TLL1: variants seen among roughly 807,000 people sequenced by gnomAD.
The protein encoded by TLL1 is tolloid like 1, also known as tolloid-like protein 1.
In TLL1, 49 loss-of-function variants were observed where a neutral mutation model predicts 128.2. The observed-to-expected ratio is 0.38, with a 90% CI of 0.30 to 0.48. The LOEUF is 0.48. Ranked by LOEUF, TLL1 falls within the 20% of genes least tolerant of loss-of-function variation. TLL1 has a pLI of 0.96. For synonymous variants in TLL1, 454 were observed against 418.8 expected (o/e 1.08, Z -1.03); for missense variants, 1,123 against 1,242.0 (o/e 0.90, Z 1.44).
intron 9 of TLL1, among the ~76,000 whole-genome samples, chr4:166,035,112 A>C (rs571891192): frequency 1.3e-5 from 2 of 152,218 alleles, no homozygotes; most frequent in East Asian, 3.8e-4. Context: ...AGGGACATAC[A>C]CACTCAAACC....
intron 1 of TLL1, among the ~76,000 whole-genome samples, chr4:165,881,917 T>C (rs1194672602): frequency 6.6e-6 from 1 of 152,232 alleles, no homozygotes; most frequent in Non-Finnish European, 1.5e-5. Context: ...ACATGTTGTT[T>C]CACACTTTAA....
chr4:165,877,016 T>C (rs1730750640), intron 1 of TLL1, among the ~76,000 whole-genome samples: 1 of 152,268 alleles, frequency 6.6e-6, no homozygotes, highest in Non-Finnish European at 1.5e-5. Context: ...TCTCGATATC[T>C]ATAGACTGTT....
At position 166,101,906 on chromosome 4, in the gene TLL1, T is replaced by G. The variant is rs1403691103; in HGVS notation, c.*1030T>G. ...AAGGTCTCTTTCATTTTTCTCTTCC[T>G]GGGATTCATTTTTTCAAAACACAAT... is the stretch of plus-strand genomic sequence containing the variant. On this transcript the variant is annotated 3_prime_UTR_variant, in exon 21 of 21. Transcript: ENST00000061240. The G allele has an allele frequency of 6.6e-6, 1 of 152,460 alleles. No homozygotes were observed. Among genetic ancestry groups the G allele is most frequent in the South Asian group, 2.1e-4 (1 of 4,832 alleles). 9.4% of individuals were successfully genotyped at this position (152,460 alleles called of 1,614,324 possible).
chr4:165,949,340 A>T (rs1734401006), intron 1 of TLL1, among the ~76,000 whole-genome samples: 6 of 152,134 alleles, frequency 3.9e-5, no homozygotes, highest in Admixed American at 3.9e-4. Context: ...ACCTTCACAA[A>T]AAAATGTAGC....
intron 1 of TLL1, 122 bp downstream of exon 1, chr4:165,874,195 CCTT>C: frequency 2.5e-6 from 3 of 1,194,630 alleles, no homozygotes; most frequent in Non-Finnish European, 3.7e-6. Context: ...CGCCGCCCCT[CCTT>C]CTCTCCCCCT....
At chr4:165,972,888 C>T (rs1425656811) in intron 1 of TLL1, among the ~76,000 whole-genome samples, 1 of 152,094 alleles carries the variant, frequency 6.6e-6, no homozygotes, top group African/African-American at 2.4e-5. Context: ...TTCCTTGTAG[C>T]CTTGGTAAAT....
chr4:166,038,483 TG>T (rs1389903102), intron 9 of TLL1, among the ~76,000 whole-genome samples: 2 of 135,168 alleles, frequency 1.5e-5, no homozygotes, highest in Non-Finnish European at 3.3e-5. Flanking sequence ...AATGAGTTTT[TG>T]AATGTGAAAA....
intron 8 of TLL1, among the ~76,000 whole-genome samples, chr4:166,020,964 G>T (rs1730995058): frequency 6.6e-6 from 1 of 152,172 alleles, no homozygotes; most frequent in African/African-American, 2.4e-5. Flanking sequence ...CTTATATAGA[G>T]TGTACATATC....
chr4:166,057,723 G>T (rs766379463), intron 14 of TLL1, among the ~76,000 whole-genome samples: 8 of 152,162 alleles, frequency 5.3e-5, no homozygotes, highest in Non-Finnish European at 1.0e-4. Flanking sequence ...GCAAAGGCAC[G>T]TCGTATATGG....
chr4:165,931,701 A>G (rs1733530386), intron 1 of TLL1, among the ~76,000 whole-genome samples: 2 of 118,390 alleles, frequency 1.7e-5, no homozygotes, highest in South Asian at 5.8e-4. Flanking sequence ...CCTGGGCGAC[A>G]GAGTAAGACT....
Position 165,930,726 on chromosome 4 carries a change from C to T in TLL1, c.169+56653C>T, listed in dbSNP as rs1733477127. ...ATTATTCACCTAGACAAATGAAATTCTTCTTTTGAAAAAGTGATAACAAAT... is the reference window on the plus strand; with the variant it reads ...ATTATTCACCTAGACAAATGAAATTTTTCTTTTGAAAAAGTGATAACAAAT... On this transcript the variant is annotated intron_variant, in intron 1 of 20. Transcript: ENST00000061240. Among the ~76,000 whole-genome samples, 4 of 152,166 alleles carry T rather than the reference C, an allele frequency of 2.6e-5. No homozygotes were observed. The South Asian group carries it at 8.3e-4, about 31-fold the overall frequency.
At position 166,078,003 on chromosome 4, in the gene TLL1, C is replaced by T. The variant is rs377065498; in HGVS notation, c.2415C>T (p.Ser805=). Residue 805 remains serine (S), a synonymous_variant, in exon 18 of 21, where the codon AGC becomes AGT. Transcript: ENST00000061240. The part of the protein sequence containing the change: ...PSRKECTWEI[S]ATPGHRIKLA... ...GGAAAGAATGCACTTGGGAAATCAG[C>T]GCCACTCCTGGCCACCGAATCAAAT... The T allele has an allele frequency of 1.1e-5, 18 of 1,613,514 alleles. No individual in the cohort carries two copies. The highest frequency in any genetic ancestry group is 3.3e-5 in the Admixed American group (2 of 59,954).
At chr4:165,936,791 G>A (rs1733782679) in intron 1 of TLL1, among the ~76,000 whole-genome samples, 1 of 151,966 alleles carries the variant, frequency 6.6e-6, no homozygotes, top group African/African-American at 2.4e-5. Context: ...AAATTGGCTG[G>A]GCATGGTGGC....
intron 9 of TLL1, among the ~76,000 whole-genome samples, chr4:166,035,106 A>G (rs1738939544): frequency 6.6e-6 from 1 of 152,176 alleles, no homozygotes; most frequent in African/African-American, 2.4e-5. Context: ...TTTTGGAGGG[A>G]CATACACACT....
At chr4:166,008,621 G>C (rs939254364) in intron 7 of TLL1, among the ~76,000 whole-genome samples, 2 of 151,448 alleles carry the variant, frequency 1.3e-5, no homozygotes, top group Non-Finnish European at 3.0e-5. Flanking sequence ...CTAAAATTAT[G>C]TCATTAATGA....
intron 16 of TLL1, among the ~76,000 whole-genome samples, chr4:166,072,454 T>A (rs1740837115): frequency 6.6e-6 from 1 of 151,954 alleles, no homozygotes; most frequent in African/African-American, 2.4e-5. Flanking sequence ...CCAAAAATTA[T>A]TCTGAAATCA....
chr4:166,081,566 C>T (rs1348719767), intron 18 of TLL1, among the ~76,000 whole-genome samples: 1 of 152,108 alleles, frequency 6.6e-6, no homozygotes, highest in African/African-American at 2.4e-5. Flanking sequence ...CCACACATGA[C>T]CTTCACCAAC....
At chr4:165,884,831 G>A (rs1270453729) in intron 1 of TLL1, among the ~76,000 whole-genome samples, 2 of 152,132 alleles carry the variant, frequency 1.3e-5, no homozygotes, top group Non-Finnish European at 2.9e-5. Context: ...GTGAGACTCT[G>A]TCTCAAATAA....
chr4:166,092,566 G>A (rs1045764577), intron 19 of TLL1, among the ~76,000 whole-genome samples: 8 of 151,974 alleles, frequency 5.3e-5, no homozygotes, highest in African/African-American at 1.7e-4. Flanking sequence ...CCTAATGAAG[G>A]GGTGGAAAAA....
Sources: allele counts gnomAD v4.1 joint callset (sites outside exome capture counted in the v4.1 genomes callset), GRCh38; gene constraint gnomAD v4.1.1; transcripts MANE v1.5; gene names NCBI Gene and HGNC (gene_info 2026-07-23, HGNC 2026-07-21).